CTNNA3: variants seen among roughly 807,000 people sequenced by gnomAD.
The protein encoded by CTNNA3 is catenin alpha 3.
CTNNA3 carries 76 observed loss-of-function variants against 95.7 expected under a neutral mutation model. The ratio of observed to expected loss-of-function variants is 0.79; its 90% CI spans 0.66 to 0.96. The LOEUF (loss-of-function observed/expected upper bound fraction) is 0.96, where lower values mean the gene tolerates loss of function less well. Ranked by LOEUF, CTNNA3 falls within the 40% of genes least tolerant of loss-of-function variation. The pLI, the probability that CTNNA3 is intolerant of heterozygous loss-of-function variation, is 0.00. For synonymous variants in CTNNA3, 431 were observed against 374.4 expected (o/e 1.15, Z -1.74); for missense variants, 1,191 against 1,089.8 (o/e 1.09, Z -1.31).
At chr10:66,886,533 T>TCTG (rs1845051594) in intron 7 of CTNNA3, among the ~76,000 whole-genome samples, 1 of 152,180 alleles carries the variant, frequency 6.6e-6, no homozygotes, top group African/African-American at 2.4e-5. Context: ...CTCATAAAGT[T>TCTG]CTGCTTTTCA....
chr10:66,372,704 G>C (rs753680382), intron 12 of CTNNA3, among the ~76,000 whole-genome samples: 60 of 152,240 alleles, frequency 3.9e-4, no homozygotes, highest in Non-Finnish European at 7.1e-4. Flanking sequence ...CAGGCCTCAG[G>C]AAACTTACAA....
intron 7 of CTNNA3, among the ~76,000 whole-genome samples, chr10:67,146,618 G>T (rs1164644528): frequency 6.6e-6 from 1 of 152,162 alleles, no homozygotes; most frequent in Non-Finnish European, 1.5e-5. Context: ...CTGTATAAAG[G>T]TAAGTACAGG....
chr10:67,114,720 G>A (rs1049857972), intron 7 of CTNNA3, among the ~76,000 whole-genome samples: 4 of 147,672 alleles, frequency 2.7e-5, no homozygotes, highest in African/African-American at 4.9e-5. Context: ...GTGTGTGTGT[G>A]TGTGTGTGTG....
intron 1 of CTNNA3, among the ~76,000 whole-genome samples, chr10:67,674,260 A>G (rs923182483): frequency 1.3e-5 from 2 of 152,022 alleles, no homozygotes; most frequent in African/African-American, 2.4e-5. Flanking sequence ...GGACATAGAG[A>G]AGAAAAGACA....
At chr10:66,841,456 C>A (rs532529759) in intron 7 of CTNNA3, among the ~76,000 whole-genome samples, 2 of 152,066 alleles carry the variant, frequency 1.3e-5, no homozygotes, top group Non-Finnish European at 2.9e-5. Context: ...GGATGATTGA[C>A]AATGCTTATG....
chr10:67,111,026 AC>A, intron 7 of CTNNA3, among the ~76,000 whole-genome samples: 1 of 152,320 alleles, frequency 6.6e-6, no homozygotes, highest in African/African-American at 2.4e-5. Context: ...TAAGCGAAGA[AC>A]AGTTAGAGTT....
intron 1 of CTNNA3, among the ~76,000 whole-genome samples, chr10:67,718,022 G>T: frequency 6.6e-6 from 1 of 152,134 alleles, no homozygotes; most frequent in East Asian, 1.9e-4. Context: ...TCTCCTTGAA[G>T]AGGTCCTCAC....
chr10:66,478,856 A>G (rs889605536), intron 11 of CTNNA3, among the ~76,000 whole-genome samples: 2 of 151,930 alleles, frequency 1.3e-5, no homozygotes, highest in African/African-American at 4.8e-5. Context: ...TTAGTTATAT[A>G]TAATTCATAG....
chr10:67,357,286 A>G (rs555995282), intron 5 of CTNNA3, among the ~76,000 whole-genome samples: 1 of 152,224 alleles, frequency 6.6e-6, no homozygotes, highest in African/African-American at 2.4e-5. Context: ...ATTTACATCA[A>G]ACATGATGTT....
At chr10:67,217,584 A>G (rs1589877125) in intron 6 of CTNNA3, among the ~76,000 whole-genome samples, 2 of 152,204 alleles carry the variant, frequency 1.3e-5, no homozygotes, top group East Asian at 3.8e-4. Flanking sequence ...AGTTACACAC[A>G]TAACACGCAC....
At chr10:66,407,563 G>A (rs1308290756) in intron 11 of CTNNA3, among the ~76,000 whole-genome samples, 1 of 149,722 alleles carries the variant, frequency 6.7e-6, no homozygotes, top group Non-Finnish European at 1.5e-5. Flanking sequence ...GAAGCTAAAA[G>A]CCCACTTTCA....
At chr10:67,710,606 T>C (rs1259070658) in intron 1 of CTNNA3, among the ~76,000 whole-genome samples, 1 of 152,038 alleles carries the variant, frequency 6.6e-6, no homozygotes, top group Non-Finnish European at 1.5e-5. Context: ...ATAGAAACAA[T>C]TCAGAAGAAC....
In CTNNA3 at chr10:67,406,042, T is replaced by C. The variant is rs569050180; in HGVS notation, c.579+115800A>G. On this transcript the variant is annotated intron_variant, in intron 5 of 17. Transcript: ENST00000433211. Reference sequence around the variant, plus strand: ...GGGGGCAGTTTCCTCCATGCTGTTCTCATAATAGTGAGTGAGTTCTCAGGA... The same window carrying C: ...GGGGGCAGTTTCCTCCATGCTGTTCCCATAATAGTGAGTGAGTTCTCAGGA... Among the ~76,000 whole-genome samples, 117 of 152,310 alleles carry C rather than the reference T, an allele frequency of 7.7e-4. 1 individual carries two copies. The highest frequency in any genetic ancestry group is 2.7e-3 in the African/African-American group (113 of 41,582).
chr10:67,617,329 A>T (rs1231779820), intron 2 of CTNNA3, among the ~76,000 whole-genome samples: 2 of 151,944 alleles, frequency 1.3e-5, no homozygotes, highest in African/African-American at 4.8e-5. Context: ...TTTAGCTTCT[A>T]CTTATAAGTG....
chr10:67,748,842 G>C (rs768839363), intron 1 of CTNNA3, among the ~76,000 whole-genome samples: 4 of 152,156 alleles, frequency 2.6e-5, no homozygotes, highest in Non-Finnish European at 5.9e-5. Context: ...TTGGTGTGCT[G>C]TCTTCAAGAG....
intron 13 of CTNNA3, among the ~76,000 whole-genome samples, chr10:66,252,812 A>T (rs1470768758): frequency 6.6e-6 from 1 of 152,248 alleles, no homozygotes; most frequent in Non-Finnish European, 1.5e-5. Flanking sequence ...TTCTGGCTCC[A>T]GCCATCAGGT....
chr10:67,714,427 G>A (rs976302010), intron 1 of CTNNA3, among the ~76,000 whole-genome samples: 1 of 152,206 alleles, frequency 6.6e-6, no homozygotes, highest in Non-Finnish European at 1.5e-5. Flanking sequence ...TCAGACTTGT[G>A]TGGGGCCTGT....
intron 11 of CTNNA3, among the ~76,000 whole-genome samples, chr10:66,464,107 A>T (rs1484488409): frequency 6.6e-6 from 1 of 152,116 alleles, no homozygotes; most frequent in Non-Finnish European, 1.5e-5. Context: ...GGAAAGGGAA[A>T]GTATGTTCGT....
intron 15 of CTNNA3, among the ~76,000 whole-genome samples, chr10:66,023,279 T>C (rs185019664): frequency 6.6e-5 from 10 of 152,320 alleles, no homozygotes; most frequent in Admixed American, 6.5e-4. Context: ...TTTACTTATG[T>C]TGCAACAGAG....
Sources: allele counts gnomAD v4.1 joint callset (sites outside exome capture counted in the v4.1 genomes callset), GRCh38; gene constraint gnomAD v4.1.1; transcripts MANE v1.5; gene names NCBI Gene and HGNC (gene_info 2026-07-23, HGNC 2026-07-21).